The following TEX9 variants were observed in gnomAD, a reference collection of about 807,000 sequenced individuals.
TEX9 encodes testis expressed 9.
A neutral mutation model predicts 59.6 loss-of-function variants in TEX9; 74 were observed. That is an observed-to-expected ratio of 1.24 (90% CI 1.03 to 1.51). TEX9 has a LOEUF of 1.51. TEX9 is among the 40% of genes most tolerant of loss of function. TEX9 has a pLI of 0.00. For missense variants in TEX9, 522 were observed against 447.8 expected, an observed-to-expected ratio of 1.17 and a Z score of -1.49; for synonymous variants, 186 against 152.2, an observed-to-expected ratio of 1.22 and a Z score of -1.64.
At chr15:56,261,380 T>C (rs1353134870) in intron 1 of TEX9, among the ~76,000 whole-genome samples, 2 of 152,026 alleles carry the variant, frequency 1.3e-5, no homozygotes, top group South Asian at 4.1e-4. Context: ...AAAAATCCAA[T>C]CAGAGAGAAC....
rs567146645 is a variant in TEX9, at chr15:56,272,020, G to A, written c.-107+27742G>A. 1.3e-4 allele frequency among the ~76,000 whole-genome samples: 19 copies of A among 151,968 alleles called. No individual in the cohort carries two copies. The South Asian group carries it at 2.3e-3, about 18-fold the overall frequency. On this transcript the variant is annotated intron_variant, in intron 1 of 5. Coordinates refer to the TEX9 transcript ENST00000560827. ...TTAGCTGGGCATGGGGGTGGGCACC[G>A]GTAGTCGCAGCTACTCGGGAGGCTG...
chr15:56,379,503 G>A (rs1427622160), intron 3 of TEX9, among the ~76,000 whole-genome samples: 4 of 152,168 alleles, frequency 2.6e-5, no homozygotes, highest in Non-Finnish European at 4.4e-5. Context: ...ATGCTGAGGA[G>A]AATAATGTGT....
At chr15:56,352,899 A>T (rs1439589725) in intron 1 of TEX9, among the ~76,000 whole-genome samples, 2 of 152,220 alleles carry the variant, frequency 1.3e-5, no homozygotes, top group Non-Finnish European at 2.9e-5. Context: ...TTCTTTGGAA[A>T]ATACATTTCT....
intron 7 of TEX9, among the ~76,000 whole-genome samples, chr15:56,391,947 A>C (rs1431797690): frequency 6.6e-6 from 1 of 152,138 alleles, no homozygotes; most frequent in Non-Finnish European, 1.5e-5. Flanking sequence ...TTCTTTGCAT[A>C]TCACTAGAAT....
chr15:56,264,987 CTGTCT>C (rs1201754349), intron 1 of TEX9, among the ~76,000 whole-genome samples: 1 of 152,192 alleles, frequency 6.6e-6, no homozygotes, highest in Non-Finnish European at 1.5e-5. Flanking sequence ...ATATCACCCT[CTGTCT>C]TGGTTACTTG....
chr15:56,412,373 T>C (rs1436992148), exon 10 of TEX9: 18 of 1,613,382 alleles, frequency 1.1e-5, no homozygotes, highest in African/African-American at 1.3e-5. Context: ...TTCGCTTGAA[T>C]AGAGCTCTAG....
intron 1 of TEX9, among the ~76,000 whole-genome samples, chr15:56,247,810 G>A (rs2043897953): frequency 6.6e-6 from 1 of 152,148 alleles, no homozygotes; most frequent in South Asian, 2.1e-4. Context: ...GTTCTACCCT[G>A]TTCTCCTTCT....
intron 1 of TEX9, among the ~76,000 whole-genome samples, chr15:56,303,083 G>C (rs2045398285): frequency 1.3e-5 from 2 of 152,180 alleles, no homozygotes; most frequent in African/African-American, 4.8e-5. Flanking sequence ...GAGCTAAAGA[G>C]AGAGATAGAC....
rs150908295 is a variant in TEX9 at position 56,390,346 on chromosome 15, G to T, written c.396-897G>T. On this transcript the variant is annotated intron_variant, in intron 6 of 12. Transcript: ENST00000352903. ...TAATTATATTTTTAAAATAAAGAGTGTAATTAGATTGTTTGTAACTCAAAC... is the reference window on the plus strand; with the variant it reads ...TAATTATATTTTTAAAATAAAGAGTTTAATTAGATTGTTTGTAACTCAAAC... 3.4e-4 allele frequency among the ~76,000 whole-genome samples: 51 copies of T among 152,072 alleles called. 1 individual carries two copies. The East Asian group carries it at 9.1e-3, about 27-fold the overall frequency.
chr15:56,306,562 T>C (rs572705846), intron 1 of TEX9, among the ~76,000 whole-genome samples: 23 of 152,296 alleles, frequency 1.5e-4, no homozygotes, highest in Admixed American at 7.8e-4. Flanking sequence ...ATTAAAACAA[T>C]TGAACTCATG....
chr15:56,319,333 T>C (rs1423740419), intron 1 of TEX9, among the ~76,000 whole-genome samples: 1 of 148,664 alleles, frequency 6.7e-6, no homozygotes, highest in Admixed American at 6.9e-5. Context: ...ATACTTACCA[T>C]GATACACAAG....
chr15:56,365,848 G>C (rs2046918748), intron 2 of TEX9, 178 bp downstream of exon 2: 1 of 1,423,502 alleles, frequency 7.0e-7, no homozygotes, highest in Admixed American at 2.9e-5. Context: ...TGAGTAGTTC[G>C]CCTGCGTATT....
At chr15:56,394,463 AG>A in intron 8 of TEX9, 197 bp from the exon 9 acceptor site, 1 of 623,924 alleles carries the variant, frequency 1.6e-6, no homozygotes, top group Non-Finnish European at 2.7e-6. Flanking sequence ...TCTCTATATT[AG>A]TCTTACAAAT....
At chr15:56,272,942 TTTTTG>T (rs1596057831) in intron 1 of TEX9, among the ~76,000 whole-genome samples, 1 of 145,950 alleles carries the variant, frequency 6.9e-6, no homozygotes, top group South Asian at 2.3e-4. Context: ...TTATTTATTT[TTTTTG>T]TTGTTGTTGT....
intron 1 of TEX9, among the ~76,000 whole-genome samples, chr15:56,352,634 C>T (rs2046607082): frequency 6.6e-6 from 1 of 152,158 alleles, no homozygotes; most frequent in South Asian, 2.1e-4. Flanking sequence ...TTTGACAATG[C>T]AGTGGCTGAT....
chr15:56,338,382 C>T (rs2046299910), intron 1 of TEX9, among the ~76,000 whole-genome samples: 1 of 152,162 alleles, frequency 6.6e-6, no homozygotes, highest in Non-Finnish European at 1.5e-5. Context: ...AAAGTCTGCT[C>T]CACCTGTCTA....
chr15:56,314,608 GA>G (rs1244682657), intron 1 of TEX9, among the ~76,000 whole-genome samples: 11 of 151,854 alleles, frequency 7.2e-5, no homozygotes, highest in Admixed American at 5.2e-4. Flanking sequence ...GTGTGGTGCT[GA>G]AAAAAAAGTA....
intron 1 of TEX9, among the ~76,000 whole-genome samples, chr15:56,309,697 T>TTTTTTTTG (rs2045563177): frequency 4.8e-5 from 2 of 41,988 alleles, no homozygotes; most frequent in East Asian, 3.7e-4. Flanking sequence ...TGGGAAGTTT[T>TTTTTTTTG]TTTTTTTTTT....
At chr15:56,253,245 G>A (rs2044070419) in intron 1 of TEX9, among the ~76,000 whole-genome samples, 1 of 152,090 alleles carries the variant, frequency 6.6e-6, no homozygotes, top group Admixed American at 6.6e-5. Flanking sequence ...TAGGGAAAGA[G>A]GCACCATTGG....
Sources: allele counts gnomAD v4.1 joint callset (sites outside exome capture counted in the v4.1 genomes callset), GRCh38; gene constraint gnomAD v4.1.1; transcripts MANE v1.5; gene names NCBI Gene and HGNC (gene_info 2026-07-23, HGNC 2026-07-21).